The following DUSP3 variants were observed in gnomAD, a reference collection of about 807,000 sequenced individuals.
DUSP3 encodes the protein dual specificity phosphatase 3.
Under a neutral mutation model 15.5 loss-of-function variants are expected in DUSP3, and 7 were observed. The observed-to-expected ratio is 0.45, with a 90% CI of 0.26 to 0.85. The LOEUF is 0.85. Among genes scored for constraint, DUSP3 ranks in the 40% least tolerant of loss-of-function variants. The probability of loss-of-function intolerance (pLI) is 0.18; values close to 1 mark genes in which losing one functional copy is unlikely to be tolerated. For missense variants in DUSP3, 209 were observed against 251.7 expected, an observed-to-expected ratio of 0.83 and a Z score of 1.15; for synonymous variants, 86 against 104.2, an observed-to-expected ratio of 0.83 and a Z score of 1.07.
intron 2 of DUSP3, among the ~76,000 whole-genome samples, chr17:43,773,481 C>T (rs1887572283): frequency 6.6e-6 from 1 of 152,094 alleles, no homozygotes; most frequent in South Asian, 2.1e-4. Context: ...CTCCTTCAGT[C>T]TTATCTTATA....
rs150386148 is a variant in DUSP3, at chr17:43,771,377, G to A, written c.353-1563C>T. ...TTGAATCCACAGATGTGGAACCCACGGATATGGAGGACCGACTGTATATTC... is the reference window on the plus strand; with the variant it reads ...TTGAATCCACAGATGTGGAACCCACAGATATGGAGGACCGACTGTATATTC... On this transcript the variant is annotated intron_variant, in intron 2 of 2. Coordinates refer to ENST00000226004, the MANE Select transcript of DUSP3 (RefSeq NM_004090.4). Among the ~76,000 whole-genome samples the A allele has an allele frequency of 4.2e-3, 641 of 152,182 alleles. 3 individuals carry two copies. Among genetic ancestry groups the A allele is most frequent in the Middle Eastern group, 0.01 (3 of 292 alleles).
intron 2 of DUSP3, among the ~76,000 whole-genome samples, chr17:43,770,123 A>T (rs1974296055): frequency 6.6e-6 from 1 of 152,198 alleles, no homozygotes; most frequent in Non-Finnish European, 1.5e-5. Context: ...TCCCACTCCC[A>T]GGCCCAGGTC....
At position 43,766,962 on chromosome 17, in the gene DUSP3, A is replaced by G. The variant is rs1974248871; in HGVS notation, c.*2647T>C. The G allele has an allele frequency of 6.6e-6, 1 of 152,362 alleles. No homozygotes were observed. Among genetic ancestry groups the G allele is most frequent in the South Asian group, 2.1e-4 (1 of 4,820 alleles). 9.4% of individuals were successfully genotyped at this position (152,362 alleles called of 1,614,324 possible). A position where few individuals can be genotyped will look rare whatever the true frequency, so the allele number is the denominator to read the frequency against. On this transcript the variant is annotated 3_prime_UTR_variant, in exon 3 of 3. Transcript: ENST00000226004. ...AGAAGGCTGTCCAGGAACAGCTCCC[A>G]TCCGCAGCTGGGCATGTGTTGGCTC...
At position 43,769,469 on chromosome 17, in the gene DUSP3, C is replaced by A. The variant is rs1974283417; in HGVS notation, c.*140G>T. 7.1e-6 allele frequency: 7 copies of A among 989,318 alleles called. No individual in the cohort carries two copies. Among genetic ancestry groups the A allele is most frequent in the South Asian group, 6.5e-5 (4 of 61,130 alleles). The allele number at this position is 989,318 out of a possible 1,614,324, so 61.3% of individuals were successfully genotyped here. ...CCAGGGTGGGGAAAGTGGCCCAGGA[C>A]TGTGTTGGGACACACTTGTAGACAA... On this transcript the variant is annotated 3_prime_UTR_variant, in exon 3 of 3. Coordinates refer to ENST00000226004, the MANE Select transcript of DUSP3 (RefSeq NM_004090.4).
chr17:43,772,966 A>C (rs1216249179), intron 2 of DUSP3, among the ~76,000 whole-genome samples: 1 of 152,232 alleles, frequency 6.6e-6, no homozygotes, highest in East Asian at 1.9e-4. Flanking sequence ...TCCCTGAATG[A>C]ATAACCAATT....
Position 43,769,639 on chromosome 17 carries a change from T to C in DUSP3, c.528A>G (p.Arg176=). 6.2e-7 allele frequency: 1 copy of C among 1,612,414 alleles called. No individual in the cohort carries two copies. The highest frequency in any genetic ancestry group is 8.5e-7 in the Non-Finnish European group (1 of 1,179,862). The part of the protein sequence containing the change: ...FLAQLCQLND[R]LAKEGKLKP Reference sequence around the variant, plus strand: ...GTTTCAACTTCCCCTCCTTGGCTAGTCTGTCATTGAGCTGGCAGAGCTGGG... The same window carrying C: ...GTTTCAACTTCCCCTCCTTGGCTAGCCTGTCATTGAGCTGGCAGAGCTGGG... The change falls in exon 3 of 3, where the codon AGA becomes AGG. Residue 176 remains arginine (R), a synonymous_variant. Transcript: ENST00000226004.
intron 2 of DUSP3, among the ~76,000 whole-genome samples, chr17:43,770,927 T>G (rs1974309412): frequency 2.0e-5 from 3 of 151,766 alleles, no homozygotes; most frequent in African/African-American, 7.2e-5. Context: ...CCCAGCTAAT[T>G]TTTTTGTATC....
At chr17:43,774,259 C>A (rs1218326330) in intron 2 of DUSP3, 1 of 292,418 alleles carries the variant, frequency 3.4e-6, no homozygotes, top group African/African-American at 2.3e-5. Flanking sequence ...GAGCACCCAA[C>A]ACTGAGGTGG....
chr17:43,769,553 C>A lies in DUSP3; in HGVS notation c.*56G>T. ...GTTTCCTAAACATGGCAGCTCGGGA[C>A]ACCTTTGCCCACGGCCTCCCCCACG... is the stretch of plus-strand genomic sequence containing the variant. On this transcript the variant is annotated 3_prime_UTR_variant, in exon 3 of 3. Coordinates refer to ENST00000226004, the MANE Select transcript of DUSP3 (RefSeq NM_004090.4). 1 of 1,592,800 alleles carries A rather than the reference C, an allele frequency of 6.3e-7. No homozygotes were observed. Among genetic ancestry groups the A allele is most frequent in the East Asian group, 2.2e-5 (1 of 44,752 alleles).
Position 43,768,296 on chromosome 17 carries a change from CAA to C in DUSP3, c.*1311_*1312del, listed in dbSNP as rs1032778230. ...TAATAACAATAACGTAAAATCCTAACAAGACTGTATTTAAAACAAAACTCTTA... is the reference window on the plus strand; with the variant it reads ...TAATAACAATAACGTAAAATCCTAACGACTGTATTTAAAACAAAACTCTTA... On this transcript the variant is annotated 3_prime_UTR_variant, in exon 3 of 3. Transcript: ENST00000226004. The C allele has an allele frequency of 1.3e-4, 20 of 152,314 alleles. No homozygotes were observed. Among genetic ancestry groups the C allele is most frequent in the African/African-American group, 4.6e-4 (19 of 41,558 alleles). 9.4% of individuals were successfully genotyped at this position (152,314 alleles called of 1,614,324 possible).
chr17:43,778,814 G>T lies in DUSP3; in HGVS notation c.111C>A (p.Ile37=). ...AAGGGACTCACGCGTTGCCCACGTA[G>T]ATCCGCGGGGTGACCTCGTTGCAGG... ...SQPCNEVTPR[I]YVGNASVAQD... The change falls in exon 1 of 3, where the codon ATC becomes ATA. Residue 37 remains isoleucine, a synonymous_variant. Coordinates refer to ENST00000226004, the MANE Select transcript of DUSP3 (RefSeq NM_004090.4). The T allele has an allele frequency of 6.5e-7, 1 of 1,537,562 alleles. No homozygotes were observed. Among genetic ancestry groups the T allele is most frequent in the African/African-American group, 1.4e-5 (1 of 70,336 alleles).
chr17:43,770,822 G>C (rs753899616), intron 2 of DUSP3, among the ~76,000 whole-genome samples: 1 of 151,178 alleles, frequency 6.6e-6, no homozygotes, highest in African/African-American at 2.4e-5. Flanking sequence ...GCAGTGGCGC[G>C]ATCTCGGCTC....
intron 2 of DUSP3, among the ~76,000 whole-genome samples, chr17:43,771,319 TG>T (rs1974317221): frequency 6.6e-6 from 1 of 152,090 alleles, no homozygotes; most frequent in Non-Finnish European, 1.5e-5. Flanking sequence ...CATCTTTTTA[TG>T]TTGTTTTTAA....
At chr17:43,773,613 G>A (rs568103243) in intron 2 of DUSP3, among the ~76,000 whole-genome samples, 16 of 152,260 alleles carry the variant, frequency 1.1e-4, no homozygotes, top group African/African-American at 1.4e-4. Context: ...AGGCAATCAC[G>A]TGAATCTCTA....
In DUSP3 at chr17:43,778,934, G is replaced by A; in HGVS notation, c.-10C>T. 6.9e-7 allele frequency: 1 copy of A among 1,450,542 alleles called. No individual in the cohort carries two copies. 89.9% of individuals were successfully genotyped at this position (1,450,542 alleles called of 1,614,324 possible). On this transcript the variant is annotated 5_prime_UTR_variant, in exon 1 of 3. Coordinates refer to ENST00000226004, the MANE Select transcript of DUSP3 (RefSeq NM_004090.4). ...CGAACGAGCCCGACATGGCGGCGGC[G>A]GGGCCCTGCACGCCCGGCAGGAGCA...
chr17:43,769,983 A>T (rs1001463316), intron 2 of DUSP3, among the ~76,000 whole-genome samples, 169 bp from the exon 3 acceptor site: 8 of 152,148 alleles, frequency 5.3e-5, no homozygotes, highest in African/African-American at 1.9e-4. Context: ...TGGTGAAGAT[A>T]TGGGGCAACT....
chr17:43,778,603 A>C (rs1184569363), intron 1 of DUSP3, among the ~76,000 whole-genome samples, 197 bp downstream of exon 1: 2 of 152,092 alleles, frequency 1.3e-5, no homozygotes, highest in African/African-American at 4.8e-5. Context: ...CCGGCCAGGC[A>C]GGGTTCCAGT....
chr17:43,776,143 A>T (rs1056566620), intron 1 of DUSP3, among the ~76,000 whole-genome samples: 21 of 152,206 alleles, frequency 1.4e-4, no homozygotes, highest in African/African-American at 5.1e-4. Context: ...AATAAAATAA[A>T]AATAATAATT....
At chr17:43,771,704 C>T (rs889757798) in intron 2 of DUSP3, among the ~76,000 whole-genome samples, 8 of 151,626 alleles carry the variant, frequency 5.3e-5, no homozygotes, top group Admixed American at 1.3e-4. Context: ...TCCCAGAGGA[C>T]GAATTCTTTA....
Sources: gnomAD v4.1 joint callset for allele counts (sites outside exome capture counted in the v4.1 genomes callset) on GRCh38, gnomAD v4.1.1 for gene constraint, MANE v1.5 for transcripts, NCBI Gene and HGNC (gene_info 2026-07-23, HGNC 2026-07-21) for gene names.